GNAZ: variants seen among roughly 807,000 people sequenced by gnomAD.
GNAZ encodes G protein subunit alpha z, also known as guanine nucleotide-binding protein G(z) subunit alpha.
A neutral mutation model predicts 25.4 loss-of-function variants in GNAZ; 3 were observed. That is an observed-to-expected ratio of 0.12 (90% CI 0.05 to 0.30). GNAZ has a LOEUF of 0.30. Ranked by LOEUF, GNAZ falls within the 10% of genes least tolerant of loss-of-function variation. GNAZ has a pLI of 1.00. For synonymous variants in GNAZ, 211 were observed against 205.7 expected, an observed-to-expected ratio of 1.03 and a Z score of -0.22; for missense variants, 241 against 501.8, an observed-to-expected ratio of 0.48 and a Z score of 4.97.
At position 23,124,007 on chromosome 22, in the gene GNAZ, A is replaced by G. The variant is rs2070104917; in HGVS notation, c.*576A>G. On this transcript the variant is annotated 3_prime_UTR_variant, in exon 3 of 3. Transcript: ENST00000615612. ...CCTGGGACCTTAGGAGCCGGGTGACAGCACTAACCAGACCTCCAGCCACTC... is the reference window on the plus strand; with the variant it reads ...CCTGGGACCTTAGGAGCCGGGTGACGGCACTAACCAGACCTCCAGCCACTC... 4.6e-6 allele frequency: 1 copy of G among 218,342 alleles called. No individual in the cohort carries two copies. The allele number at this position is 218,342 out of a possible 1,614,324, so 13.5% of individuals were successfully genotyped here.
chr22:23,086,516 G>A (rs2068824702), intron 1 of GNAZ, among the ~76,000 whole-genome samples: 1 of 152,180 alleles, frequency 6.6e-6, no homozygotes, highest in Non-Finnish European at 1.5e-5. Context: ...CCTCCCAGTG[G>A]CCTCAGCCAC....
At chr22:23,110,445 G>A (rs539466625) in intron 2 of GNAZ, among the ~76,000 whole-genome samples, 1 of 152,310 alleles carries the variant, frequency 6.6e-6, no homozygotes, top group East Asian at 1.9e-4. Flanking sequence ...CTCCAGCCAG[G>A]AACAGGTCAC....
intron 1 of GNAZ, among the ~76,000 whole-genome samples, chr22:23,084,742 A>G (rs150142977): frequency 0.014 from 2,165 of 152,274 alleles, 22 homozygotes; most frequent in Non-Finnish European, 0.023. Flanking sequence ...GGGGAGCTGG[A>G]CAGAGAGCCA....
In GNAZ at chr22:23,079,596, G is replaced by A. The variant is rs1601757690; in HGVS notation, c.-450+9026G>A. Among the ~76,000 whole-genome samples, 9 of 152,188 alleles carry A rather than the reference G, an allele frequency of 5.9e-5. No individual in the cohort carries two copies. In the South Asian group the frequency reaches 1.9e-3, roughly 31 times the overall value. The stretch of plus-strand genomic sequence containing the variant: ...AAACATGAGAAGGTTTCAAGCACAA[G>A]TGAGACATACTCTGCCTCATTTTTA... On this transcript the variant is annotated intron_variant, in intron 1 of 2. Transcript: ENST00000615612.
chr22:23,089,798 G>A (rs923933116), intron 1 of GNAZ, among the ~76,000 whole-genome samples: 3 of 152,152 alleles, frequency 2.0e-5, no homozygotes, highest in Non-Finnish European at 4.4e-5. Flanking sequence ...CTCAGGGCTT[G>A]GAGATCGTGC....
intron 1 of GNAZ, among the ~76,000 whole-genome samples, chr22:23,091,454 A>C (rs569863853): frequency 1.3e-5 from 2 of 150,068 alleles, no homozygotes; most frequent in East Asian, 4.0e-4. Flanking sequence ...ACAGGGTCCT[A>C]TGCATACACA....
chr22:23,110,744 CAG>C (rs1354389058), intron 2 of GNAZ, among the ~76,000 whole-genome samples: 2 of 152,210 alleles, frequency 1.3e-5, no homozygotes, highest in African/African-American at 4.8e-5. Flanking sequence ...AGTGCGTCTG[CAG>C]AGAGTTCATG....
At chr22:23,109,356 A>T (rs569721091) in intron 2 of GNAZ, among the ~76,000 whole-genome samples, 2 of 151,048 alleles carry the variant, frequency 1.3e-5, no homozygotes, top group Non-Finnish European at 3.0e-5. Flanking sequence ...CTCTGCCCCC[A>T]CCCTTTAGGA....
At chr22:23,113,633 G>T (rs945701720) in intron 2 of GNAZ, among the ~76,000 whole-genome samples, 11 of 152,192 alleles carry the variant, frequency 7.2e-5, no homozygotes, top group African/African-American at 2.7e-4. Flanking sequence ...AGCTGCAGAG[G>T]CATCTAGCAC....
chr22:23,113,736 T>G (rs1024959028), intron 2 of GNAZ, among the ~76,000 whole-genome samples: 3 of 152,126 alleles, frequency 2.0e-5, no homozygotes, highest in African/African-American at 7.2e-5. Flanking sequence ...CTCTCCCCAC[T>G]AGAGAAGTCT....
intron 1 of GNAZ, among the ~76,000 whole-genome samples, chr22:23,093,900 C>A (rs1265921777): frequency 6.6e-6 from 1 of 152,144 alleles, no homozygotes. Context: ...GAGAGGACAG[C>A]CCACCAGGGG....
chr22:23,071,724 A>G lies in GNAZ; in HGVS notation c.-450+1154A>G, dbSNP rs562954512. Among the ~76,000 whole-genome samples the G allele has an allele frequency of 6.6e-6, 1 of 152,060 alleles. No individual in the cohort carries two copies. Among genetic ancestry groups the G allele is most frequent in the Non-Finnish European group, 1.5e-5 (1 of 68,022 alleles). ...TGCAGGTGCAGGGGCCTCGGGAGGGACCTCAGAGTGGTGTCCTGGGCTGGG... is the reference window on the plus strand; with the variant it reads ...TGCAGGTGCAGGGGCCTCGGGAGGGGCCTCAGAGTGGTGTCCTGGGCTGGG... On this transcript the variant is annotated intron_variant, in intron 1 of 2. Transcript: ENST00000615612. The surrounding 1 kb of genome is among the most constrained non-coding windows in gnomAD (Gnocchi z 4.1).
intron 2 of GNAZ, among the ~76,000 whole-genome samples, chr22:23,099,727 A>G (rs1214002614): frequency 6.6e-6 from 1 of 152,200 alleles, no homozygotes; most frequent in Non-Finnish European, 1.5e-5. Context: ...CATTCACACA[A>G]GGGTCAGTCA....
chr22:23,112,524 C>T (rs543677789), intron 2 of GNAZ, among the ~76,000 whole-genome samples: 5 of 152,254 alleles, frequency 3.3e-5, no homozygotes, highest in African/African-American at 7.2e-5. Flanking sequence ...TCTGTGGCCA[C>T]GGCAGGAGGG....
chr22:23,074,515 C>T (rs544442541), intron 1 of GNAZ, among the ~76,000 whole-genome samples: 6 of 152,122 alleles, frequency 3.9e-5, no homozygotes, highest in Non-Finnish European at 7.4e-5. Context: ...CATTGATGGG[C>T]ACATGTGGCC....
chr22:23,080,555 G>A (rs1601760134), intron 1 of GNAZ, among the ~76,000 whole-genome samples: 1 of 152,226 alleles, frequency 6.6e-6, no homozygotes, highest in Non-Finnish European at 1.5e-5. Context: ...AGGAGGACCT[G>A]TTTCTAAGGT....
intron 1 of GNAZ, among the ~76,000 whole-genome samples, chr22:23,086,519 TCAGCCACCCGAG>T (rs2068824766): frequency 6.6e-6 from 1 of 152,190 alleles, no homozygotes; most frequent in African/African-American, 2.4e-5. Context: ...CCCAGTGGCC[TCAGCCACCCGAG>T]CAGGCACACT....
intron 2 of GNAZ, among the ~76,000 whole-genome samples, chr22:23,109,718 C>G (rs951523095): frequency 3.3e-5 from 5 of 152,214 alleles, no homozygotes; most frequent in Admixed American, 6.5e-5. Flanking sequence ...ACGGGGGCAG[C>G]AGGGTTCAGT....
chr22:23,106,101 A>T (rs890300553), intron 2 of GNAZ, among the ~76,000 whole-genome samples: 8 of 152,228 alleles, frequency 5.3e-5, no homozygotes, highest in African/African-American at 1.9e-4. Context: ...ACCTCCAGTC[A>T]CGTGACTCCC....
Sources: allele counts gnomAD v4.1 joint callset (sites outside exome capture counted in the v4.1 genomes callset), GRCh38; gene constraint gnomAD v4.1.1; non-coding constraint Gnocchi (gnomAD v3.1); transcripts MANE v1.5; gene names NCBI Gene and HGNC (gene_info 2026-07-23, HGNC 2026-07-21).